The following AXIN1 variants were observed in gnomAD, a reference collection of about 807,000 sequenced individuals.
AXIN1 encodes the protein axin-1.
Under a neutral mutation model 76.4 loss-of-function variants are expected in AXIN1, and 30 were observed. The observed-to-expected ratio is 0.39, with a 90% CI of 0.29 to 0.53. AXIN1 has a LOEUF of 0.53. Ranked by LOEUF, AXIN1 falls within the 20% of genes least tolerant of loss-of-function variation. The probability of loss-of-function intolerance (pLI) is 0.66; values close to 1 mark genes in which losing one functional copy is unlikely to be tolerated. For synonymous variants in AXIN1, 545 were observed against 501.4 expected (o/e 1.09, Z -1.16); for missense variants, 1,140 against 1,198.8 (o/e 0.95, Z 0.72).
chr16:289,574 A>G lies in AXIN1; in HGVS notation c.2328T>C (p.Ser776=), dbSNP rs1266544293. ...CAACGATGCTGTCACACGGCTGGGCACTCCCGCCGCCCACCTTCCTCTGCG... is the reference window on the plus strand; with the variant it reads ...CAACGATGCTGTCACACGGCTGGGCGCTCCCGCCGCCCACCTTCCTCTGCG... ...TRSQRKVGGG[S]AQPCDSIVVA... Residue 776 remains serine, a synonymous_variant, in exon 10 of 11, where the codon AGT becomes AGC. Coordinates refer to ENST00000262320, the MANE Select transcript of AXIN1 (RefSeq NM_003502.4). 1 of 1,612,808 alleles carries G rather than the reference A, an allele frequency of 6.2e-7. No individual in the cohort carries two copies. The highest frequency in any genetic ancestry group is 1.7e-5 in the Admixed American group (1 of 60,002).
rs569565438 is a variant in AXIN1 at position 288,777 on chromosome 16, C to T, written c.2463-529G>A. Among the ~76,000 whole-genome samples the T allele has an allele frequency of 3.7e-4, 57 of 152,350 alleles. No homozygotes were observed. The Middle Eastern group carries it at 0.01, about 27-fold the overall frequency. ...CGCAGGGCCCTGCAGGGCTGAGTGG[C>T]CCAGGGCGAATGAACCTTGGTAGGA... On this transcript the variant is annotated intron_variant, in intron 10 of 10. Transcript: ENST00000262320.
At chr16:337,943 G>A (rs1269053872) in intron 2 of AXIN1, among the ~76,000 whole-genome samples, 3 of 152,214 alleles carry the variant, frequency 2.0e-5, no homozygotes, top group Non-Finnish European at 2.9e-5. Flanking sequence ...TGGAGAGACC[G>A]AACACCTTCT....
rs1263260045 is a variant in AXIN1 at position 346,835 on chromosome 16, G to C, written c.191C>G (p.Ser64Trp). The C allele has an allele frequency of 1.2e-6, 2 of 1,613,462 alleles. No homozygotes were observed. Among genetic ancestry groups the C allele is most frequent in the African/African-American group, 1.3e-5 (1 of 75,066 alleles). ...GETSTATPRR[S>W]DLDLGYEPEG... ...AGGCTCATACCCCAGGTCCAGATCC[G>C]AGCGCCTCGGAGTGGCCGTCGAAGT... The change falls in exon 2 of 11, where the codon TCG (serine) becomes TGG (tryptophan). Residue 64 changes from serine to tryptophan, a missense_variant. Ser to Trp is a radical substitution (Grantham distance 177). Transcript: ENST00000262320.
intron 5 of AXIN1, among the ~76,000 whole-genome samples, chr16:299,477 C>T (rs1004081733): frequency 3.3e-5 from 5 of 151,642 alleles, no homozygotes; most frequent in South Asian, 2.1e-4. Context: ...CTCAGCCTAC[C>T]GAGTAGCTGG....
At chr16:294,493 CG>C (rs1337939243) in intron 7 of AXIN1, among the ~76,000 whole-genome samples, 7 of 132,886 alleles carry the variant, frequency 5.3e-5, no homozygotes. Context: ...AATGGCCAGG[CG>C]CGGTAATCCC....
rs2052640690 is a variant in AXIN1, at chr16:293,987, A to G, written c.1956-269T>C. Among the ~76,000 whole-genome samples, 1 of 151,770 alleles carries G rather than the reference A, an allele frequency of 6.6e-6. No individual in the cohort carries two copies. The highest frequency in any genetic ancestry group is 1.5e-5 in the Non-Finnish European group (1 of 67,906). Reference sequence around the variant, plus strand: ...GAGGTCGGGAGTTCGAGATCAACCTAACATGGTGAAACCTCATCGCTACTA... The same window carrying G: ...GAGGTCGGGAGTTCGAGATCAACCTGACATGGTGAAACCTCATCGCTACTA... On this transcript the variant is annotated intron_variant, in intron 7 of 10. Transcript: ENST00000262320. The surrounding 1 kb of genome is among the most constrained non-coding windows in gnomAD (Gnocchi z 4.6).
chr16:348,526 G>A (rs536846158), intron 1 of AXIN1, among the ~76,000 whole-genome samples: 8 of 152,266 alleles, frequency 5.3e-5, no homozygotes, highest in East Asian at 1.9e-4. Flanking sequence ...AGAGCCAGGC[G>A]TGGTGTCACG....
intron 5 of AXIN1, among the ~76,000 whole-genome samples, chr16:301,071 C>T (rs1330452124): frequency 2.0e-5 from 3 of 151,998 alleles, no homozygotes; most frequent in South Asian, 2.1e-4. Flanking sequence ...GAGATCGAGA[C>T]CATCCTGGCT....
intron 3 of AXIN1, among the ~76,000 whole-genome samples, chr16:310,823 C>T (rs1263253130): frequency 6.6e-6 from 1 of 152,230 alleles, no homozygotes; most frequent in Non-Finnish European, 1.5e-5. Context: ...CTGCTTGTGG[C>T]CTAGACCACT....
At chr16:313,004 G>A (rs1350075399) in intron 3 of AXIN1, among the ~76,000 whole-genome samples, 4 of 151,958 alleles carry the variant, frequency 2.6e-5, no homozygotes, top group Non-Finnish European at 5.9e-5. Context: ...GTGAGGCCTC[G>A]TCTCCACAAA....
chr16:347,493 G>T (rs1488647624), intron 1 of AXIN1, among the ~76,000 whole-genome samples: 1 of 152,198 alleles, frequency 6.6e-6, no homozygotes, highest in African/African-American at 2.4e-5. Context: ...CTGACTATGT[G>T]TACAAACCTG....
chr16:327,648 C>T (rs1054507402), intron 2 of AXIN1, among the ~76,000 whole-genome samples: 1 of 152,254 alleles, frequency 6.6e-6, no homozygotes, highest in South Asian at 2.1e-4. Flanking sequence ...CCACACCTGC[C>T]ATCCCGGGAG....
At chr16:350,657 C>T (rs2054125094) in intron 1 of AXIN1, among the ~76,000 whole-genome samples, 1 of 152,210 alleles carries the variant, frequency 6.6e-6, no homozygotes. Context: ...TTCAGGGCTA[C>T]TATTTCACAT....
chr16:311,293 C>A (rs1185633728), intron 3 of AXIN1, among the ~76,000 whole-genome samples: 1 of 151,828 alleles, frequency 6.6e-6, no homozygotes, highest in Non-Finnish European at 1.5e-5. Flanking sequence ...GCCTCCCAAA[C>A]TGCTGGGATT....
At chr16:326,602 G>C (rs1407045024) in intron 2 of AXIN1, among the ~76,000 whole-genome samples, 2 of 147,842 alleles carry the variant, frequency 1.4e-5, no homozygotes, top group Non-Finnish European at 3.0e-5. Flanking sequence ...CAAAAAATTA[G>C]CTGGGCGTGG....
intron 1 of AXIN1, among the ~76,000 whole-genome samples, chr16:349,451 A>G (rs1282570345): frequency 6.6e-6 from 1 of 152,204 alleles, no homozygotes; most frequent in African/African-American, 2.4e-5. Flanking sequence ...CACCCTGACC[A>G]CCTGAGCCTT....
rs368430061 is a variant in AXIN1, at chr16:289,583, G to T, written c.2319C>A (p.Gly773=). The change falls in exon 10 of 11, where the codon GGC becomes GGA. Residue 773 remains glycine, a synonymous_variant. Transcript: ENST00000262320. ...TGTCACACGGCTGGGCACTCCCGCC[G>T]CCCACCTTCCTCTGCGATCTTGTCC... ...ETETRSQRKV[G]GGSAQPCDSI... 13 of 1,612,852 alleles carry T rather than the reference G, an allele frequency of 8.1e-6. No homozygotes were observed. The highest frequency in any genetic ancestry group is 1.1e-5 in the Non-Finnish European group (13 of 1,179,952).
intron 8 of AXIN1, chr16:291,940 C>T (rs1258778739): frequency 6.4e-6 from 1 of 156,560 alleles, no homozygotes; most frequent in Non-Finnish European, 1.4e-5. Flanking sequence ...AACCCAGCAA[C>T]TCTGGGTTTC....
chr16:304,431 C>T lies in AXIN1; in HGVS notation c.1127G>A (p.Arg376Gln), dbSNP rs774250998. ...CTCCACGCGGACCTCCTTCGGCACC[C>T]GGTACGTGCGCTGCGAGGGACAGGA... ...VPLPHIPRTY[R>Q]VPKEVRVEPQ... Residue 376 changes from arginine to glutamine, a missense_variant, in exon 5 of 11, where the codon CGG becomes CAG. By Grantham distance (43) the Arg-to-Gln change is conservative. Transcript: ENST00000262320. The T allele has an allele frequency of 1.6e-5, 26 of 1,612,564 alleles. No individual in the cohort carries two copies. Among genetic ancestry groups the T allele is most frequent in the African/African-American group, 1.1e-4 (8 of 74,954 alleles).
Sources: gnomAD v4.1 joint callset for allele counts (sites outside exome capture counted in the v4.1 genomes callset) on GRCh38, gnomAD v4.1.1 for gene constraint, Gnocchi (gnomAD v3.1) non-coding constraint, MANE v1.5 for transcripts, NCBI Gene and HGNC (gene_info 2026-07-23, HGNC 2026-07-21) for gene names.